HDLBP: variants seen among roughly 807,000 people sequenced by gnomAD.
HDLBP encodes vigilin.
In HDLBP, 30 loss-of-function variants were observed where a neutral mutation model predicts 137.3. The ratio of observed to expected loss-of-function variants is 0.22; its 90% CI spans 0.16 to 0.30. The LOEUF (loss-of-function observed/expected upper bound fraction) is 0.30. Among genes scored for constraint, HDLBP ranks in the 10% least tolerant of loss-of-function variants. The probability of loss-of-function intolerance (pLI) is 1.00; values close to 1 mark genes in which losing one functional copy is unlikely to be tolerated. For synonymous variants in HDLBP, 606 were observed against 596.0 expected (o/e 1.02, Z -0.24); for missense variants, 1,119 against 1,667.3 (o/e 0.67, Z 5.73).
At chr2:241,248,479 C>A in intron 12 of HDLBP, 131 bp from the exon 13 acceptor site, 1 of 714,000 alleles carries the variant, frequency 1.4e-6, no homozygotes, top group Non-Finnish European at 2.5e-6. Context: ...CCAGGTGGCA[C>A]CTCGTAGCAC....
Position 241,239,865 on chromosome 2 carries a change from C to T in HDLBP, c.2391+36G>A, listed in dbSNP as rs201446791. The T allele has an allele frequency of 2.5e-6, 4 of 1,612,324 alleles. No individual in the cohort carries two copies. The East Asian group carries it at 8.9e-5, about 36-fold the overall frequency. On this transcript the variant is annotated intron_variant, in intron 18 of 27. Coordinates refer to ENST00000310931, the MANE Select transcript of HDLBP (RefSeq NM_005336.6). This position sits in a 1 kb window ranked among gnomAD's most constrained non-coding sequence, Gnocchi z 4.6. Reference sequence around the variant, plus strand: ...TGGAAGATAAGCCACCCCATCACGGCCCCAGCAGAGTCGGCCGCCGAGGCC... The same window carrying T: ...TGGAAGATAAGCCACCCCATCACGGTCCCAGCAGAGTCGGCCGCCGAGGCC...
intron 5 of HDLBP, among the ~76,000 whole-genome samples, chr2:241,261,907 CA>C (rs1035975758): frequency 3.3e-5 from 5 of 152,200 alleles, no homozygotes; most frequent in Admixed American, 3.3e-4. Flanking sequence ...GCTCCAGATC[CA>C]GCTCCCACAA....
chr2:241,259,562 C>A (rs990464176), intron 5 of HDLBP, among the ~76,000 whole-genome samples: 4 of 152,110 alleles, frequency 2.6e-5, no homozygotes, highest in African/African-American at 9.7e-5. Flanking sequence ...AAACACTGCT[C>A]ACAGAAGCCT....
At position 241,272,686 on chromosome 2, in the gene HDLBP, A is replaced by ACCCCCCC; in HGVS notation, c.-102-4152_-102-4146dup. 1.9e-6 allele frequency: 1 copy of ACCCCCCC among 533,884 alleles called. No homozygotes were observed. The highest frequency in any genetic ancestry group is 6.3e-5 in the African/African-American group (1 of 15,944). 33.1% of individuals were successfully genotyped at this position (533,884 alleles called of 1,614,324 possible). On this transcript the variant is annotated intron_variant, in intron 1 of 27. Coordinates refer to ENST00000310931, the MANE Select transcript of HDLBP (RefSeq NM_005336.6). This position sits in a 1 kb window ranked among gnomAD's most constrained non-coding sequence, Gnocchi z 5.6. ...GCCTCCACGTCAGCAGCCACCCCCC[A>ACCCCCCC]CCCCCCCGCCCGGCAGCCCGCCCGC...
intron 21 of HDLBP, 54 bp from the exon 22 acceptor site, chr2:241,235,648 T>C (rs749177669): frequency 8.1e-5 from 106 of 1,304,560 alleles, no homozygotes; most frequent in Non-Finnish European, 8.7e-5. Flanking sequence ...AGAGTGACGT[T>C]GTAAGCTCAG....
chr2:241,251,629 C>G (rs1478375789), intron 11 of HDLBP, among the ~76,000 whole-genome samples: 1 of 152,218 alleles, frequency 6.6e-6, no homozygotes, highest in Non-Finnish European at 1.5e-5. Context: ...CACTTGTTTT[C>G]AGAACACGCG....
chr2:241,311,685 A>C (rs1197187892), intron 1 of HDLBP, among the ~76,000 whole-genome samples: 1 of 152,248 alleles, frequency 6.6e-6, no homozygotes, highest in Non-Finnish European at 1.5e-5. Context: ...CAAGCAAACA[A>C]AAACAAATAA....
At chr2:241,312,122 A>AT (rs1308484433) in intron 1 of HDLBP, among the ~76,000 whole-genome samples, 8 of 152,236 alleles carry the variant, frequency 5.3e-5, no homozygotes, top group African/African-American at 1.9e-4. Flanking sequence ...GACTCTACAA[A>AT]TGACATGAAG....
intron 5 of HDLBP, among the ~76,000 whole-genome samples, chr2:241,258,650 T>C (rs915889071): frequency 6.6e-6 from 1 of 152,142 alleles, no homozygotes; most frequent in South Asian, 2.1e-4. Context: ...AAGAACACAT[T>C]TACAAGCAGC....
chr2:241,238,110 G>A lies in HDLBP; in HGVS notation c.2749+539C>T, dbSNP rs1252565246. 2.6e-5 allele frequency among the ~76,000 whole-genome samples: 4 copies of A among 152,338 alleles called. No homozygotes were observed. Among genetic ancestry groups the A allele is most frequent in the African/African-American group, 9.6e-5 (4 of 41,582 alleles). On this transcript the variant is annotated intron_variant, in intron 20 of 27. Transcript: ENST00000310931. The surrounding 1 kb of genome is among the most constrained non-coding windows in gnomAD (Gnocchi z 4.9). Reference sequence around the variant, plus strand: ...ACAAATGCAGAGCAAGTGAGAGAGAGGCAACCGACCCGCATCCCACAGGTC... The same window carrying A: ...ACAAATGCAGAGCAAGTGAGAGAGAAGCAACCGACCCGCATCCCACAGGTC...
chr2:241,230,840 G>A lies in HDLBP; in HGVS notation c.3393C>T (p.Asp1131=), dbSNP rs780186842. The change falls in exon 25 of 28, where the codon GAC becomes GAT. Residue 1131 remains aspartate, a synonymous_variant. Coordinates refer to ENST00000310931, the MANE Select transcript of HDLBP (RefSeq NM_005336.6). The surrounding 1 kb of genome is among the most constrained non-coding windows in gnomAD (Gnocchi z 5.0). The stretch of plus-strand genomic sequence containing the variant: ...CGTGAACGCGGTGGTCCAGCGGGAC[G>A]TCCTCAGAAACCATCTGCTCAAGTT... The part of the protein sequence containing the change: ...VGELEQMVSE[D]VPLDHRVHAR... 57 of 1,614,062 alleles carry A rather than the reference G, an allele frequency of 3.5e-5. No individual in the cohort carries two copies. Among genetic ancestry groups the A allele is most frequent in the Admixed American group, 3.2e-4 (19 of 60,006 alleles).
intron 1 of HDLBP, among the ~76,000 whole-genome samples, chr2:241,269,872 C>T (rs1205669352): frequency 6.6e-6 from 1 of 152,052 alleles, no homozygotes; most frequent in Non-Finnish European, 1.5e-5. Flanking sequence ...TCTGGTCTCC[C>T]GCATCCACCC....
intron 1 of HDLBP, chr2:241,269,222 G>A (rs1029587417): frequency 7.2e-5 from 11 of 152,230 alleles, no homozygotes; most frequent in African/African-American, 2.7e-4. Context: ...GGACTCTGGA[G>A]ATGGGAGGCT....
intron 1 of HDLBP, among the ~76,000 whole-genome samples, chr2:241,299,833 T>C (rs1351034151): frequency 6.6e-6 from 1 of 152,066 alleles, no homozygotes; most frequent in African/African-American, 2.4e-5. Context: ...GAGAACAGCG[T>C]GAACCCAGGA....
chr2:241,281,309 G>C (rs952769823), intron 1 of HDLBP, among the ~76,000 whole-genome samples: 1 of 152,148 alleles, frequency 6.6e-6, no homozygotes, highest in South Asian at 2.1e-4. Context: ...AGCCGAGATC[G>C]CGCCATTGCA....
intron 16 of HDLBP, among the ~76,000 whole-genome samples, chr2:241,245,544 T>A (rs1215134843): frequency 6.6e-6 from 1 of 152,186 alleles, no homozygotes; most frequent in African/African-American, 2.4e-5. Context: ...CTCACACCTG[T>A]AATCCCAGCA....
intron 1 of HDLBP, among the ~76,000 whole-genome samples, chr2:241,296,312 A>G (rs755345358): frequency 1.2e-4 from 18 of 152,186 alleles, no homozygotes; most frequent in Non-Finnish European, 2.4e-4. Flanking sequence ...GAAAACATAT[A>G]AAGTTTGATC....
At chr2:241,258,046 G>A (rs923836453) in intron 5 of HDLBP, among the ~76,000 whole-genome samples, 11 of 152,076 alleles carry the variant, frequency 7.2e-5, no homozygotes, top group African/African-American at 2.7e-4. Flanking sequence ...TTGAGCCCAG[G>A]AGTCCAAGAT....
intron 2 of HDLBP, chr2:241,267,434 A>AC: frequency 2.7e-6 from 2 of 728,482 alleles, no homozygotes; most frequent in Non-Finnish European, 4.6e-6. Context: ...CCACAGAGAC[A>AC]CAGTCAACAC....
Sources: gnomAD v4.1 joint callset for allele counts (sites outside exome capture counted in the v4.1 genomes callset) on GRCh38, gnomAD v4.1.1 for gene constraint, Gnocchi (gnomAD v3.1) non-coding constraint, MANE v1.5 for transcripts, NCBI Gene and HGNC (gene_info 2026-07-23, HGNC 2026-07-21) for gene names.